Variants in NUP93 observed in about 807,000 individuals in gnomAD.
The protein encoded by NUP93 is nuclear pore complex protein Nup93.
NUP93 carries 55 observed loss-of-function variants against 107.8 expected under a neutral mutation model. That is an observed-to-expected ratio of 0.51 (90% confidence interval 0.41 to 0.64). The LOEUF is 0.64. Ranked by LOEUF, NUP93 falls within the 30% of genes least tolerant of loss-of-function variation. The pLI is 0.00. For synonymous variants in NUP93, 390 were observed against 397.5 expected, an observed-to-expected ratio of 0.98 and a Z score of 0.22; for missense variants, 937 against 1,044.7, an observed-to-expected ratio of 0.90 and a Z score of 1.42.
intron 18 of NUP93, among the ~76,000 whole-genome samples, chr16:56,838,510 C>T (rs2144644478): frequency 6.6e-6 from 1 of 152,332 alleles, no homozygotes. Context: ...CCATTTTACA[C>T]TCTTTAATTA....
intron 21 of NUP93, 87 bp downstream of exon 21, chr16:56,841,920 C>A (rs1166434497): frequency 2.0e-6 from 3 of 1,507,904 alleles, no homozygotes; most frequent in African/African-American, 1.4e-5. Flanking sequence ...CCACATGACC[C>A]AAAACTGCTC....
chr16:56,799,665 T>C (rs1005446931), intron 4 of NUP93, among the ~76,000 whole-genome samples: 4 of 152,216 alleles, frequency 2.6e-5, no homozygotes, highest in Admixed American at 2.0e-4. Context: ...TGCTGTTTAC[T>C]TATTTAATTC....
chr16:56,843,781 T>A (rs1964070956), intron 21 of NUP93, among the ~76,000 whole-genome samples: 1 of 152,268 alleles, frequency 6.6e-6, no homozygotes, highest in Non-Finnish European at 1.5e-5. Flanking sequence ...GGTCCTTAAG[T>A]AAGCCTAGTA....
At chr16:56,786,476 T>C (rs1962630586) in intron 3 of NUP93, among the ~76,000 whole-genome samples, 1 of 152,244 alleles carries the variant, frequency 6.6e-6, no homozygotes, top group Non-Finnish European at 1.5e-5. Context: ...ATTGATCTAA[T>C]GGATTGAGCT....
chr16:56,781,746 C>T, intron 3 of NUP93: 1 of 796,564 alleles, frequency 1.3e-6, no homozygotes, highest in Non-Finnish European at 1.5e-6. Flanking sequence ...GCATTCCTTG[C>T]CTACATGTTG....
rs1964130622 is a variant in NUP93 at position 56,847,545 on chromosome 16, C to T, written c.*2936C>T. ...GTCTCAGAATGGCTCATAATAAACT[C>T]ACTGAAACACTCAAAGGAAAGTACT... On this transcript the variant is annotated 3_prime_UTR_variant, in exon 22 of 22. Transcript: ENST00000308159. The T allele has an allele frequency of 6.6e-6, 1 of 152,202 alleles. No homozygotes were observed. Among genetic ancestry groups the T allele is most frequent in the East Asian group, 1.9e-4 (1 of 5,194 alleles). 9.4% of individuals were successfully genotyped at this position (152,202 alleles called of 1,614,324 possible).
intron 3 of NUP93, among the ~76,000 whole-genome samples, chr16:56,783,091 T>C (rs1962548578): frequency 6.6e-6 from 1 of 152,228 alleles, no homozygotes; most frequent in South Asian, 2.1e-4. Context: ...ACAATACATT[T>C]AATTCGGCAT....
intron 1 of NUP93, among the ~76,000 whole-genome samples, chr16:56,737,791 T>C (rs1429150906): frequency 6.6e-6 from 1 of 152,180 alleles, no homozygotes; most frequent in African/African-American, 2.4e-5. Context: ...GTAAATGCAA[T>C]GGTTTTAAAA....
intron 5 of NUP93, among the ~76,000 whole-genome samples, chr16:56,814,812 C>T (rs1474062737): frequency 6.6e-6 from 1 of 152,196 alleles, no homozygotes; most frequent in Non-Finnish European, 1.5e-5. Context: ...CTGCTCCTGT[C>T]ATCTTGTCCT....
At chr16:56,761,863 A>G (rs139376179) in intron 3 of NUP93, among the ~76,000 whole-genome samples, 1 of 152,226 alleles carries the variant, frequency 6.6e-6, no homozygotes, top group Non-Finnish European at 1.5e-5. Context: ...GTTGTTTGTC[A>G]TAATCAATAA....
intron 3 of NUP93, among the ~76,000 whole-genome samples, chr16:56,759,689 C>CT (rs528890158): frequency 1.1e-4 from 16 of 149,254 alleles, no homozygotes; most frequent in African/African-American, 2.5e-4. Context: ...ACTTTTTAAA[C>CT]TTTTTTTTTT....
Position 56,837,619 on chromosome 16 carries a change from G to T in NUP93, c.1911G>T (p.Lys637Asn). 1 of 1,613,710 alleles carries T rather than the reference G, an allele frequency of 6.2e-7. No individual in the cohort carries two copies. The highest frequency in any genetic ancestry group is 8.5e-7 in the Non-Finnish European group (1 of 1,179,628). The change falls in exon 18 of 22, where the codon AAG becomes AAT. Residue 637 changes from lysine (K) to asparagine (N), a missense_variant. Coordinates refer to ENST00000308159, the MANE Select transcript of NUP93 (RefSeq NM_014669.5). Reference protein sequence around the residue: ...KLYDLAKNADKVLELMNKLLS... With the variant: ...KLYDLAKNADNVLELMNKLLS... ...AAAAACTTGAGCAGAATGCTGACAA[G>T]GTACTGGAGCTGATGAACAAACTGC...
rs527638619 is a variant in NUP93 at position 56,749,315 on chromosome 16, T to C, written c.179+889T>C. 1.6e-4 allele frequency among the ~76,000 whole-genome samples: 25 copies of C among 152,320 alleles called. No homozygotes were observed. The South Asian group carries it at 5.2e-3, about 32-fold the overall frequency. On this transcript the variant is annotated intron_variant, in intron 2 of 21. Coordinates refer to ENST00000308159, the MANE Select transcript of NUP93 (RefSeq NM_014669.5). ...TTTCACAACCATCATTAGGCTACAA[T>C]CTCCACATTAGAGTTGAGCAACAAA...
intron 1 of NUP93, among the ~76,000 whole-genome samples, chr16:56,736,757 T>C (rs1351642499): frequency 6.6e-6 from 1 of 152,188 alleles, no homozygotes; most frequent in African/African-American, 2.4e-5. Flanking sequence ...AGGTGTGGAT[T>C]TGACAGTCAT....
intron 3 of NUP93, among the ~76,000 whole-genome samples, chr16:56,773,728 A>C (rs1205266744): frequency 6.6e-5 from 10 of 152,294 alleles, no homozygotes; most frequent in Admixed American, 4.6e-4. Flanking sequence ...GTACTGAATT[A>C]AGTGATAACA....
intron 12 of NUP93, 136 bp from the exon 13 acceptor site, chr16:56,833,079 A>G: frequency 1.4e-6 from 1 of 718,464 alleles, no homozygotes; most frequent in Non-Finnish European, 2.3e-6. Context: ...CCCTTGATCA[A>G]TTCAGACTCA....
intron 8 of NUP93, among the ~76,000 whole-genome samples, chr16:56,826,526 A>C (rs886692060): frequency 1.3e-5 from 2 of 152,026 alleles, no homozygotes; most frequent in African/African-American, 2.4e-5. Context: ...AAAAAAAAAA[A>C]AAAAAACAAC....
chr16:56,819,696 G>C (rs1330595288), intron 6 of NUP93, among the ~76,000 whole-genome samples: 2 of 152,242 alleles, frequency 1.3e-5, no homozygotes, highest in African/African-American at 4.8e-5. Context: ...TCTGTCTTCA[G>C]CTGCCAGTTA....
chr16:56,794,114 A>ATAGT (rs1443777118), intron 3 of NUP93, among the ~76,000 whole-genome samples: 1 of 152,020 alleles, frequency 6.6e-6, no homozygotes. Context: ...AGATAGATAG[A>ATAGT]TAGATAGATA....
Sources: gnomAD v4.1 joint callset for allele counts (sites outside exome capture counted in the v4.1 genomes callset) on GRCh38, gnomAD v4.1.1 for gene constraint, MANE v1.5 for transcripts, NCBI Gene and HGNC (gene_info 2026-07-23, HGNC 2026-07-21) for gene names.